The following RGS12 variants were observed in gnomAD, a reference collection of about 807,000 sequenced individuals.
The protein encoded by RGS12 is regulator of G-protein signaling 12.
Under a neutral mutation model 120.1 loss-of-function variants are expected in RGS12, and 66 were observed. The ratio of observed to expected loss-of-function variants is 0.55; its 90% confidence interval spans 0.45 to 0.67. The LOEUF (loss-of-function observed/expected upper bound fraction) is 0.67. RGS12 is among the 30% of genes least tolerant of loss of function. The probability of loss-of-function intolerance (pLI) is 0.00; values close to 1 mark genes in which losing one functional copy is unlikely to be tolerated. For missense variants in RGS12, 1,859 were observed against 1,957.7 expected, an observed-to-expected ratio of 0.95 and a Z score of 0.95; for synonymous variants, 827 against 804.7, an observed-to-expected ratio of 1.03 and a Z score of -0.47.
intron 3 of RGS12, among the ~76,000 whole-genome samples, chr4:3,377,148 A>G (rs1284123486): frequency 6.6e-6 from 1 of 151,968 alleles, no homozygotes; most frequent in Non-Finnish European, 1.5e-5. Flanking sequence ...GAGCCATCAG[A>G]GTCCCAGCTA....
intron 3 of RGS12, among the ~76,000 whole-genome samples, chr4:3,356,810 G>A (rs1458324798): frequency 6.6e-6 from 1 of 152,112 alleles, no homozygotes; most frequent in East Asian, 1.9e-4. Flanking sequence ...AGACACTTGT[G>A]TTGCTTCCGT....
Position 3,420,733 on chromosome 4 carries a change from C to T in RGS12, c.2838+15C>T, listed in dbSNP as rs747760941. ...GCCTGGACCTGGTGAGTCACTGTCT[C>T]CCCTCGTCCCACAGGCCTCAGGGGT... On this transcript the variant is annotated intron_variant, in intron 10 of 17. Transcript: ENST00000336727. 3.7e-6 allele frequency: 6 copies of T among 1,608,150 alleles called. No individual in the cohort carries two copies. In the African/African-American group the frequency reaches 8.0e-5, roughly 21 times the overall value.
chr4:3,397,109 T>C (rs565332820), intron 4 of RGS12, among the ~76,000 whole-genome samples: 1 of 152,274 alleles, frequency 6.6e-6, no homozygotes, highest in Non-Finnish European at 1.5e-5. Context: ...TGGAGATGAT[T>C]TCAGGCTAAT....
intron 2 of RGS12, chr4:3,342,604 C>G (rs1336950851): frequency 7.6e-7 from 1 of 1,320,220 alleles, no homozygotes; most frequent in African/African-American, 1.5e-5. Context: ...TCCAAGCACC[C>G]TTGCACGTGA....
intron 4 of RGS12, among the ~76,000 whole-genome samples, chr4:3,410,194 C>T (rs1721585900): frequency 6.6e-6 from 1 of 152,232 alleles, no homozygotes; most frequent in Admixed American, 6.5e-5. Context: ...AGCAACACTG[C>T]TGCCTCGAAT....
chr4:3,288,522 G>A (rs1349325968), upstream of RGS12, among the ~76,000 whole-genome samples: 1 of 152,216 alleles, frequency 6.6e-6, no homozygotes, highest in Non-Finnish European at 1.5e-5. The surrounding 1 kb of genome is among the most constrained non-coding windows in gnomAD (Gnocchi z 5.2). Flanking sequence ...ACCTGGTCAA[G>A]CTCTGACGAA....
chr4:3,381,709 A>G (rs936780186), intron 3 of RGS12, among the ~76,000 whole-genome samples: 4 of 152,198 alleles, frequency 2.6e-5, no homozygotes, highest in Admixed American at 2.0e-4. Flanking sequence ...GGTGCCTCCC[A>G]CAACACGGGA....
At position 3,382,955 on chromosome 4, in the gene RGS12, T is replaced by C. The variant is rs144553345; in HGVS notation, c.1999-3461T>C. Among the ~76,000 whole-genome samples, 207 of 152,278 alleles carry C rather than the reference T, an allele frequency of 1.4e-3. 1 individual carries two copies. Among genetic ancestry groups the C allele is most frequent in the Middle Eastern group, 6.8e-3 (2 of 294 alleles). On this transcript the variant is annotated intron_variant, in intron 3 of 17. Coordinates refer to ENST00000336727, the MANE Select transcript of RGS12 (RefSeq NM_001394154.1). ...AGACTCTGCTCATTGTTGTCTCTGC[T>C]GATACCCACTCATGCTGGGCTTCTC...
At chr4:3,438,422 G>A (rs1206291871) in intron 17 of RGS12, among the ~76,000 whole-genome samples, 1 of 151,822 alleles carries the variant, frequency 6.6e-6, no homozygotes, top group African/African-American at 2.4e-5. Flanking sequence ...CCGTACAGAT[G>A]GGGGGGTGGG....
At chr4:3,429,671 G>A (rs887987914) in intron 16 of RGS12, among the ~76,000 whole-genome samples, 3 of 152,242 alleles carry the variant, frequency 2.0e-5, no homozygotes, top group Non-Finnish European at 4.4e-5. Flanking sequence ...GGTAAGAAAA[G>A]GAGAGTTCTG....
In RGS12 at chr4:3,316,887, G is replaced by A. The variant is rs1267819537; in HGVS notation, c.717G>A (p.Glu239=). 3.1e-6 allele frequency: 5 copies of A among 1,613,974 alleles called. No individual in the cohort carries two copies. Among genetic ancestry groups the A allele is most frequent in the Middle Eastern group, 1.6e-4 (1 of 6,084 alleles). ...AMIVGYLGSI[E]LPSTSSNLES... The stretch of plus-strand genomic sequence containing the variant: ...TCGTGGGCTACTTAGGCTCCATTGA[G>A]CTTCCTTCCACGAGCTCCAACCTGG... Residue 239 remains glutamate, a synonymous_variant, in exon 2 of 18, where the codon GAG becomes GAA. Transcript: ENST00000336727.
chr4:3,381,199 A>G (rs1357640772), intron 3 of RGS12, among the ~76,000 whole-genome samples: 1 of 152,190 alleles, frequency 6.6e-6, no homozygotes, highest in Non-Finnish European at 1.5e-5. Context: ...GTCTGAGACC[A>G]TCTCAGCCTG....
intron 17 of RGS12, among the ~76,000 whole-genome samples, chr4:3,435,709 G>A (rs1289111809): frequency 9.2e-5 from 14 of 152,122 alleles, no homozygotes; most frequent in Admixed American, 5.2e-4. Flanking sequence ...GGTCCTCCCG[G>A]ATCCCACCAG....
At chr4:3,395,028 A>C (rs1459338424) in intron 4 of RGS12, among the ~76,000 whole-genome samples, 3 of 151,994 alleles carry the variant, frequency 2.0e-5, no homozygotes, top group African/African-American at 7.3e-5. Context: ...AAAACAAAAC[A>C]AAACAAAAAA....
At chr4:3,307,207 G>A (rs1026971094) in intron 1 of RGS12, among the ~76,000 whole-genome samples, 3 of 152,154 alleles carry the variant, frequency 2.0e-5, no homozygotes, top group Non-Finnish European at 2.9e-5. Flanking sequence ...ACGTGTTGCC[G>A]CCGGCTGCTT....
chr4:3,313,310 C>G (rs186894267), intron 1 of RGS12, among the ~76,000 whole-genome samples: 2 of 152,316 alleles, frequency 1.3e-5, no homozygotes, highest in African/African-American at 4.8e-5. Flanking sequence ...GTGTTCTGTT[C>G]CCCGAGGAAG....
chr4:3,422,230 T>G (rs2109159264), intron 10 of RGS12, 146 bp from the exon 11 acceptor site: 1 of 682,554 alleles, frequency 1.5e-6, no homozygotes, highest in Non-Finnish European at 2.4e-6. Flanking sequence ...CTGAGATGTG[T>G]GCACCTGGGG....
intron 2 of RGS12, among the ~76,000 whole-genome samples, chr4:3,332,245 G>A (rs1308663745): frequency 6.6e-6 from 1 of 152,216 alleles, no homozygotes; most frequent in Non-Finnish European, 1.5e-5. Context: ...AACCGGAAGT[G>A]TCTTAAGAGT....
chr4:3,376,255 C>T (rs1717678242), intron 3 of RGS12, among the ~76,000 whole-genome samples: 1 of 77,700 alleles, frequency 1.3e-5, no homozygotes, highest in Non-Finnish European at 3.2e-5. Flanking sequence ...GGAACACACA[C>T]ACACACACAC....
Sources: allele counts gnomAD v4.1 joint callset (sites outside exome capture counted in the v4.1 genomes callset), GRCh38; gene constraint gnomAD v4.1.1; non-coding constraint Gnocchi (gnomAD v3.1); transcripts MANE v1.5; gene names NCBI Gene and HGNC (gene_info 2026-07-23, HGNC 2026-07-21).